NOL4L: variants seen among roughly 807,000 people sequenced by gnomAD.
NOL4L encodes nucleolar protein 4 like, also known as nucleolar protein 4-like.
A neutral mutation model predicts 64.5 loss-of-function variants in NOL4L; 7 were observed. The ratio of observed to expected loss-of-function variants is 0.11; its 90% CI spans 0.06 to 0.20. The LOEUF (loss-of-function observed/expected upper bound fraction) is 0.20. NOL4L is among the 10% of genes least tolerant of loss of function. NOL4L has a pLI of 1.00. For synonymous variants in NOL4L, 413 were observed against 401.0 expected, an observed-to-expected ratio of 1.03 and a Z score of -0.36; for missense variants, 680 against 967.1, an observed-to-expected ratio of 0.70 and a Z score of 3.94.
intron 1 of NOL4L, among the ~76,000 whole-genome samples, chr20:32,531,635 G>A (rs2018350901): frequency 6.6e-6 from 1 of 152,152 alleles, no homozygotes; most frequent in Admixed American, 6.5e-5. Context: ...TTACATGTGT[G>A]AGCCACTGTG....
At chr20:32,493,678 C>A (rs1054934589) in intron 4 of NOL4L, among the ~76,000 whole-genome samples, 1 of 152,174 alleles carries the variant, frequency 6.6e-6, no homozygotes, top group Non-Finnish European at 1.5e-5. Context: ...GATGGTACTA[C>A]GAAAACTAAG....
At position 32,460,112 on chromosome 20, in the gene NOL4L, A is replaced by C. The variant is rs959596726; in HGVS notation, c.842-3717T>G. ...TGGGCAGTTAGTACTTAAAGGGTGC[A>C]GAGTTTCTGTTGGGGGATGAACAAG... On this transcript the variant is annotated intron_variant, in intron 5 of 10. Coordinates refer to ENST00000621426, the MANE Select transcript of NOL4L (RefSeq NM_001256798.2). The surrounding 1 kb of genome is among the most constrained non-coding windows in gnomAD (Gnocchi z 5.7). Among the ~76,000 whole-genome samples the C allele has an allele frequency of 6.6e-6, 1 of 152,212 alleles. No individual in the cohort carries two copies. Among genetic ancestry groups the C allele is most frequent in the South Asian group, 2.1e-4 (1 of 4,828 alleles).
At chr20:32,475,110 A>C (rs2015303352) in intron 4 of NOL4L, 4 of 985,374 alleles carry the variant, frequency 4.1e-6, no homozygotes, top group Non-Finnish European at 4.8e-6. Context: ...ACCGGGGCTC[A>C]CTCTGCACAG....
chr20:32,466,068 A>C (rs1470841507), intron 5 of NOL4L, among the ~76,000 whole-genome samples: 1 of 151,370 alleles, frequency 6.6e-6, no homozygotes, highest in African/African-American at 2.4e-5. Context: ...CCTGGGTTCA[A>C]GCGATTCTCC....
intron 1 of NOL4L, among the ~76,000 whole-genome samples, chr20:32,563,407 C>T (rs932792566): frequency 6.6e-6 from 1 of 151,850 alleles, no homozygotes. Context: ...ACCAGTATCT[C>T]GATGACTCCA....
At chr20:32,489,746 C>T (rs532401832) in intron 4 of NOL4L, among the ~76,000 whole-genome samples, 1 of 151,326 alleles carries the variant, frequency 6.6e-6, no homozygotes, top group South Asian at 2.1e-4. Flanking sequence ...GGAGGCAGAG[C>T]TTGCGGTTAG....
At chr20:32,465,588 G>GT (rs2014473526) in intron 5 of NOL4L, among the ~76,000 whole-genome samples, 1 of 152,204 alleles carries the variant, frequency 6.6e-6, no homozygotes, top group African/African-American at 2.4e-5. Flanking sequence ...AGTGTGCAAA[G>GT]ATCGAGCCGA....
Position 32,456,405 on chromosome 20 carries a change from G to C in NOL4L, c.842-10C>G. ...TCAGAGGAGGAGTCATCTGGAATGA[G>C]AGGCCTGGGTGTGAGGCCCCACCCA... On this transcript the variant is annotated splice_polypyrimidine_tract_variant and intron_variant, in intron 5 of 10. Transcript: ENST00000621426. 3 of 1,458,398 alleles carry C rather than the reference G, an allele frequency of 2.1e-6. No homozygotes were observed. The highest frequency in any genetic ancestry group is 9.1e-7 in the Non-Finnish European group (1 of 1,102,598). 90.3% of individuals were successfully genotyped at this position (1,458,398 alleles called of 1,614,324 possible).
chr20:32,574,797 C>G (rs1449816877), intron 1 of NOL4L, among the ~76,000 whole-genome samples: 1 of 148,910 alleles, frequency 6.7e-6, no homozygotes, highest in Admixed American at 6.8e-5. Context: ...TCACGGGGTC[C>G]CCTCCACGGC....
chr20:32,465,066 A>G, intron 5 of NOL4L: 1 of 611,906 alleles, frequency 1.6e-6, no homozygotes, highest in Non-Finnish European at 3.0e-6. Context: ...AGAGGTGTCC[A>G]AGCTGCAGAT....
intron 3 of NOL4L, among the ~76,000 whole-genome samples, chr20:32,516,634 C>A (rs965861146): frequency 1.3e-5 from 2 of 152,184 alleles, no homozygotes; most frequent in African/African-American, 4.8e-5. Flanking sequence ...GAGGTGGGTG[C>A]TCATAGTAAT....
chr20:32,478,273 ACTCTCT>A lies in NOL4L; in HGVS notation c.700-3537_700-3532del, dbSNP rs11469154. Among the ~76,000 whole-genome samples, 1,019 of 143,258 alleles carry A rather than the reference ACTCTCT, an allele frequency of 7.1e-3. 5 individuals are homozygous for A. Among genetic ancestry groups the A allele is most frequent in the East Asian group, 0.021 (99 of 4,758 alleles). The allele number at this position is 143,258 out of a possible 152,430, so 94.0% of individuals were successfully genotyped here. A position where few individuals can be genotyped will look rare whatever the true frequency, so the allele number is the denominator to read the frequency against. ...CACACACACACACACACACACACAC[ACTCTCT>A]CTCTCTCTCTCTCATGCATGCTCAC... is the stretch of plus-strand genomic sequence containing the variant. On this transcript the variant is annotated intron_variant, in intron 4 of 10. Coordinates refer to ENST00000621426, the MANE Select transcript of NOL4L (RefSeq NM_001256798.2).
intron 10 of NOL4L, among the ~76,000 whole-genome samples, chr20:32,449,059 G>A (rs932565180): frequency 1.3e-5 from 2 of 152,246 alleles, no homozygotes; most frequent in African/African-American, 4.8e-5. Context: ...AGGGCTTTCT[G>A]AATGGGCTCC....
intron 1 of NOL4L, chr20:32,573,953 T>C (rs6119904): frequency 0.41 from 61,943 of 152,234 alleles, 14,989 homozygotes; most frequent in East Asian, 0.76. Flanking sequence ...TGCCTGGCTT[T>C]GGGATCTTTG....
At chr20:32,523,119 G>C (rs2018003376) in intron 2 of NOL4L, among the ~76,000 whole-genome samples, 1 of 152,168 alleles carries the variant, frequency 6.6e-6, no homozygotes, top group South Asian at 2.1e-4. Context: ...GCCTTGGCAG[G>C]GACCCCAGCA....
intron 1 of NOL4L, among the ~76,000 whole-genome samples, chr20:32,530,629 T>G (rs1482021649): frequency 6.6e-6 from 1 of 151,988 alleles, no homozygotes; most frequent in Non-Finnish European, 1.5e-5. Context: ...AGTCATTAAA[T>G]CTTAACACTT....
chr20:32,478,850 G>A (rs2034082096), intron 4 of NOL4L, among the ~76,000 whole-genome samples: 1 of 152,208 alleles, frequency 6.6e-6, no homozygotes, highest in South Asian at 2.1e-4. Context: ...CCAAAGTGCT[G>A]GGAGTGCGGG....
In NOL4L at chr20:32,447,620, T is replaced by G. The variant is rs925461940; in HGVS notation, c.2019A>C (p.Glu673Asp). The change falls in exon 11 of 11, where the codon GAA (glutamate) becomes GAC (aspartate). Residue 673 changes from glutamate to aspartate, a missense_variant. By Grantham distance (45) the Glu-to-Asp change is conservative. Around this residue, in one of 4 missense-constraint regions of NOL4L, gnomAD observed 175 missense variants for 227.0 expected, o/e 0.77. Transcript: ENST00000621426. Reference sequence around the variant, plus strand: ...GTCAGTTCTGCTGTAGGATGAGGTTTTCCAGTTCATCTGCAGAGCGCAGCA... The same window carrying G: ...GTCAGTTCTGCTGTAGGATGAGGTTGTCCAGTTCATCTGCAGAGCGCAGCA... Reference protein sequence around the residue: ...AFLLRSADELENLILQQN With the variant: ...AFLLRSADELDNLILQQN 8 of 1,605,000 alleles carry G rather than the reference T, an allele frequency of 5.0e-6. No homozygotes were observed.
chr20:32,509,531 A>G (rs957919830), intron 4 of NOL4L, among the ~76,000 whole-genome samples: 1 of 150,184 alleles, frequency 6.7e-6, no homozygotes, highest in East Asian at 1.9e-4. Context: ...AAAAAAAAAA[A>G]AAAAAAAAAG....
Sources: allele counts gnomAD v4.1 joint callset (sites outside exome capture counted in the v4.1 genomes callset), GRCh38; gene constraint gnomAD v4.1.1; regional missense constraint gnomAD v4.1.1; non-coding constraint Gnocchi (gnomAD v3.1); transcripts MANE v1.5; gene names NCBI Gene and HGNC (gene_info 2026-07-23, HGNC 2026-07-21).